Variants in DGCR2 observed in about 807,000 individuals in gnomAD.
DGCR2 encodes integral membrane protein DGCR2/IDD.
A neutral mutation model predicts 51.6 loss-of-function variants in DGCR2; 24 were observed. That is an observed-to-expected ratio of 0.47 (90% CI 0.34 to 0.65). The LOEUF (loss-of-function observed/expected upper bound fraction) is 0.65, where lower values mean the gene tolerates loss of function less well. DGCR2 is among the 30% of genes least tolerant of loss of function. The pLI is 0.01. For missense variants in DGCR2, 765 were observed against 772.1 expected (o/e 0.99, Z 0.11); for synonymous variants, 340 against 315.4 (o/e 1.08, Z -0.82).
In DGCR2 at chr22:19,078,251, C is replaced by T. The variant is rs544256725; in HGVS notation, c.203-10026G>A. 5.9e-5 allele frequency among the ~76,000 whole-genome samples: 9 copies of T among 152,270 alleles called. No homozygotes were observed. The South Asian group carries it at 1.7e-3, about 28-fold the overall frequency. On this transcript the variant is annotated intron_variant, in intron 2 of 9. Transcript: ENST00000263196. ...ATGATAGTTTGACTAAAAAATTTTT[C>T]GACTTTACAATAGGTTTAAGACATA...
rs2082380175 is a variant in DGCR2 at position 19,037,284 on chromosome 22, T to C, written c.*1581A>G. ...CAAAACTCACAGCTCTGGACAGTTC[T>C]GGCACAAAGGTCAAGTCTGTCTGTG... On this transcript the variant is annotated 3_prime_UTR_variant, in exon 10 of 10. Coordinates refer to ENST00000263196, the MANE Select transcript of DGCR2 (RefSeq NM_005137.3). The C allele has an allele frequency of 6.6e-6, 1 of 152,322 alleles. No homozygotes were observed. Among genetic ancestry groups the C allele is most frequent in the African/African-American group, 2.4e-5 (1 of 41,472 alleles). The allele number at this position is 152,322 out of a possible 1,614,324, so 9.4% of individuals were successfully genotyped here.
At chr22:19,108,543 C>T (rs960620555) in intron 1 of DGCR2, among the ~76,000 whole-genome samples, 1 of 135,366 alleles carries the variant, frequency 7.4e-6, no homozygotes, top group Non-Finnish European at 1.5e-5. Flanking sequence ...CCACTGTACT[C>T]CAGCCTGGGC....
intron 1 of DGCR2, among the ~76,000 whole-genome samples, chr22:19,115,171 A>T (rs1421349307): frequency 6.6e-6 from 1 of 152,158 alleles, no homozygotes; most frequent in Non-Finnish European, 1.5e-5. Flanking sequence ...GCACTGTGCA[A>T]ACAACCCAGG....
chr22:19,081,614 G>C (rs2082937294), intron 2 of DGCR2, among the ~76,000 whole-genome samples: 1 of 152,140 alleles, frequency 6.6e-6, no homozygotes. Context: ...TGGATGGCTT[G>C]GAATTTTATC....
chr22:19,082,413 T>C (rs1269097988), intron 2 of DGCR2, among the ~76,000 whole-genome samples: 1 of 151,900 alleles, frequency 6.6e-6, no homozygotes, highest in Non-Finnish European at 1.5e-5. Flanking sequence ...GCAAATTCAG[T>C]CATTTTTATT....
At chr22:19,097,348 G>C (rs2146027100) in intron 1 of DGCR2, among the ~76,000 whole-genome samples, 1 of 152,254 alleles carries the variant, frequency 6.6e-6, no homozygotes, top group East Asian at 1.9e-4. Flanking sequence ...AAGGTCAGGA[G>C]TTCAAGACCA....
At chr22:19,043,212 A>T (rs887694491) in intron 7 of DGCR2, among the ~76,000 whole-genome samples, 1 of 152,192 alleles carries the variant, frequency 6.6e-6, no homozygotes, top group African/African-American at 2.4e-5. Context: ...TTTCGTGACC[A>T]CCACTTGGCT....
intron 1 of DGCR2, among the ~76,000 whole-genome samples, chr22:19,120,897 C>A (rs2083424246): frequency 6.6e-6 from 1 of 152,210 alleles, no homozygotes; most frequent in South Asian, 2.1e-4. Context: ...ATCCCGCTGC[C>A]CAGAGAGCAG....
At chr22:19,072,376 G>A (rs925377235) in intron 2 of DGCR2, among the ~76,000 whole-genome samples, 7 of 152,152 alleles carry the variant, frequency 4.6e-5, no homozygotes, top group African/African-American at 1.7e-4. Context: ...GGAAGCCCAC[G>A]TGCACAGAAC....
chr22:19,051,965 A>G (rs532391539), intron 6 of DGCR2, among the ~76,000 whole-genome samples: 1 of 152,202 alleles, frequency 6.6e-6, no homozygotes, highest in African/African-American at 2.4e-5. Context: ...TGGAGAAATT[A>G]AATCACTCCT....
rs888503488 is a variant in DGCR2 at position 19,036,713 on chromosome 22, C to T, written c.*2152G>A. 2.0e-5 allele frequency: 3 copies of T among 150,192 alleles called. No homozygotes were observed. The highest frequency in any genetic ancestry group is 6.6e-5 in the Admixed American group (1 of 15,092). The allele number at this position is 150,192 out of a possible 1,614,324, so 9.3% of individuals were successfully genotyped here. A position where few individuals can be genotyped will look rare whatever the true frequency, so the allele number is the denominator to read the frequency against. ...TGCCATGTGGACCTTCTGCCTGGCC[C>T]AACGTGCCAGTGGCCTGAGTGCTTG... On this transcript the variant is annotated 3_prime_UTR_variant, in exon 10 of 10. Coordinates refer to ENST00000263196, the MANE Select transcript of DGCR2 (RefSeq NM_005137.3).
At position 19,089,370 on chromosome 22, in the gene DGCR2, G is replaced by C; in HGVS notation, c.200C>G (p.Pro67Arg). Residue 67 changes from proline (P) to arginine (R), a missense_variant and splice_region_variant, in exon 2 of 10, where the codon CCA becomes CGA. Pro to Arg is a moderately radical substitution (Grantham distance 103). This residue lies in a region of DGCR2 where 370 missense variants were observed against 325.5 expected (regional missense o/e 1.14). Coordinates refer to ENST00000263196, the MANE Select transcript of DGCR2 (RefSeq NM_005137.3). ...CEDESDEANC[P>R]EVTGEVRPHH... ...CCCCGCCTACTCAACACACTCACCTGGACAGTTGGCTTCGTCGCTCTCATC... is the reference window on the plus strand; with the variant it reads ...CCCCGCCTACTCAACACACTCACCTCGACAGTTGGCTTCGTCGCTCTCATC... 6.2e-7 allele frequency: 1 copy of C among 1,604,390 alleles called. No individual in the cohort carries two copies.
At chr22:19,114,705 G>A (rs926359861) in intron 1 of DGCR2, among the ~76,000 whole-genome samples, 10 of 152,194 alleles carry the variant, frequency 6.6e-5, no homozygotes, top group East Asian at 1.9e-4. Flanking sequence ...TCCCTCTGCT[G>A]TGACTCCTGC....
intron 2 of DGCR2, among the ~76,000 whole-genome samples, chr22:19,077,454 T>C (rs1461931111): frequency 2.0e-5 from 3 of 152,214 alleles, no homozygotes; most frequent in African/African-American, 7.2e-5. Context: ...TTTCCCTCAC[T>C]GAATGGTAAT....
chr22:19,109,672 A>G (rs2083294472), intron 1 of DGCR2, among the ~76,000 whole-genome samples: 1 of 152,244 alleles, frequency 6.6e-6, no homozygotes, highest in African/African-American at 2.4e-5. Context: ...CAGTTTTGCA[A>G]GATGAAAACA....
At chr22:19,053,263 TAC>T (rs2146319443) in intron 6 of DGCR2, among the ~76,000 whole-genome samples, 1 of 152,246 alleles carries the variant, frequency 6.6e-6, no homozygotes, top group South Asian at 2.1e-4. Flanking sequence ...AAGGCTCAGA[TAC>T]AGTTAGAACA....
At position 19,063,248 on chromosome 22, in the gene DGCR2, A is replaced by T; in HGVS notation, c.579T>A (p.Thr193=). The T allele has an allele frequency of 6.2e-7, 1 of 1,614,220 alleles. No homozygotes were observed. The highest frequency in any genetic ancestry group is 8.5e-7 in the Non-Finnish European group (1 of 1,180,036). Residue 193 remains threonine (T), a synonymous_variant, in exon 5 of 10, where the codon ACT becomes ACA. Transcript: ENST00000263196. ...GACCTTCCAAGGAGCGGTTCCGGCC[A>T]GTGATAACATACTGATAGCCAACCC... ...KLWVGYQYVI[T]GRNRSLEGRW... is the part of the protein sequence containing the mutation.
At chr22:19,079,580 T>G (rs2082914116) in intron 2 of DGCR2, among the ~76,000 whole-genome samples, 1 of 152,274 alleles carries the variant, frequency 6.6e-6, no homozygotes, top group African/African-American at 2.4e-5. Context: ...ATAAAGTAAC[T>G]GCTAATTGAG....
At chr22:19,066,506 G>A (rs763608233) in intron 3 of DGCR2, among the ~76,000 whole-genome samples, 5 of 152,172 alleles carry the variant, frequency 3.3e-5, no homozygotes, top group East Asian at 1.9e-4. Context: ...CATTCATTGC[G>A]TGTTTCCTGG....
Sources: allele counts gnomAD v4.1 joint callset (sites outside exome capture counted in the v4.1 genomes callset), GRCh38; gene constraint gnomAD v4.1.1; regional missense constraint gnomAD v4.1.1; transcripts MANE v1.5; gene names NCBI Gene and HGNC (gene_info 2026-07-23, HGNC 2026-07-21).